PAX2: variants seen among roughly 807,000 people sequenced by gnomAD.
The protein encoded by PAX2 is paired box 2.
In PAX2, 9 loss-of-function variants were observed where a neutral mutation model predicts 41.7. The ratio of observed to expected loss-of-function variants is 0.22; its 90% CI spans 0.13 to 0.38. PAX2 has a LOEUF of 0.38. PAX2 is among the 10% of genes least tolerant of loss of function. The pLI, the probability that PAX2 is intolerant of heterozygous loss-of-function variation, is 1.00. For missense variants in PAX2, 418 were observed against 531.6 expected (o/e 0.79, Z 2.10); for synonymous variants, 221 against 212.7 (o/e 1.04, Z -0.34).
At chr10:100,802,393 G>A (rs914583357) in intron 5 of PAX2, among the ~76,000 whole-genome samples, 2 of 152,216 alleles carry the variant, frequency 1.3e-5, no homozygotes, top group African/African-American at 4.8e-5. Context: ...CAGGAACACA[G>A]TGTTCTCTGT....
chr10:100,818,413 T>C (rs1324768193), intron 7 of PAX2, among the ~76,000 whole-genome samples: 1 of 152,242 alleles, frequency 6.6e-6, no homozygotes, highest in Non-Finnish European at 1.5e-5. Flanking sequence ...TTGCTGTGCT[T>C]TGTATCATCC....
At chr10:100,738,906 C>A (rs1256028849) in intron 1 of PAX2, among the ~76,000 whole-genome samples, 5 of 151,974 alleles carry the variant, frequency 3.3e-5, no homozygotes, top group Non-Finnish European at 1.5e-5. Context: ...GGCTCTGGAC[C>A]TTGGAGGGCA....
intron 5 of PAX2, among the ~76,000 whole-genome samples, chr10:100,798,946 T>G (rs1412470942): frequency 3.3e-5 from 5 of 152,246 alleles, no homozygotes; most frequent in Non-Finnish European, 7.3e-5. Flanking sequence ...TTGATCGCGT[T>G]CTGAACTCAG....
At chr10:100,754,664 A>G (rs1845566390) in intron 3 of PAX2, among the ~76,000 whole-genome samples, 1 of 152,226 alleles carries the variant, frequency 6.6e-6, no homozygotes, top group Non-Finnish European at 1.5e-5. Flanking sequence ...ACAATGGTCT[A>G]CTAGTTGTTC....
intron 5 of PAX2, among the ~76,000 whole-genome samples, chr10:100,802,697 T>C (rs2133942126): frequency 1.3e-5 from 2 of 152,274 alleles, no homozygotes; most frequent in Middle Eastern, 3.4e-3. Flanking sequence ...AATGCATTAG[T>C]CACGGTCCCT....
intron 6 of PAX2, among the ~76,000 whole-genome samples, chr10:100,807,322 C>T (rs1847826375): frequency 6.6e-6 from 1 of 151,352 alleles, no homozygotes; most frequent in South Asian, 2.1e-4. Flanking sequence ...ACTGTGCTCA[C>T]ACACCACTGT....
chr10:100,768,136 A>G (rs1846087706), intron 3 of PAX2, among the ~76,000 whole-genome samples: 1 of 152,198 alleles, frequency 6.6e-6, no homozygotes, highest in South Asian at 2.1e-4. Flanking sequence ...GAAGGGAACA[A>G]TGATGGTGTA....
intron 3 of PAX2, among the ~76,000 whole-genome samples, chr10:100,767,142 A>G (rs1420388594): frequency 6.6e-6 from 1 of 152,222 alleles, no homozygotes; most frequent in Non-Finnish European, 1.5e-5. Flanking sequence ...AGGCACACCC[A>G]TACCCACAGG....
intron 4 of PAX2, 69 bp from the exon 5 acceptor site, chr10:100,781,177 G>A: frequency 6.5e-7 from 1 of 1,542,172 alleles, no homozygotes. Flanking sequence ...CCCAGCCTTG[G>A]GGCTTTGGCC....
intron 5 of PAX2, among the ~76,000 whole-genome samples, chr10:100,782,284 G>T (rs545582198): frequency 1.3e-5 from 2 of 152,186 alleles, no homozygotes; most frequent in South Asian, 4.1e-4. Context: ...AGCATAAAGG[G>T]GTGACCATCT....
Position 100,745,887 on chromosome 10 carries a change from C to G in PAX2, c.-374C>G. ...CTCCGACCACCGCCTCTCGGATGAC[C>G]AGGTTCCAGGGGAGCTGAGCGAGTC... On this transcript the variant is annotated 5_prime_UTR_variant, in exon 1 of 10. Coordinates refer to ENST00000355243, the MANE Select transcript of PAX2 (RefSeq NM_000278.5). 1 of 1,124,686 alleles carries G rather than the reference C, an allele frequency of 8.9e-7. No individual in the cohort carries two copies. The highest frequency in any genetic ancestry group is 1.1e-6 in the Non-Finnish European group (1 of 919,594). 69.7% of individuals were successfully genotyped at this position (1,124,686 alleles called of 1,614,324 possible).
At chr10:100,802,910 A>G (rs561178348) in intron 5 of PAX2, among the ~76,000 whole-genome samples, 1 of 152,064 alleles carries the variant, frequency 6.6e-6, no homozygotes, top group African/African-American at 2.4e-5. Context: ...GCTCTGCCAG[A>G]CAGCCCTTCA....
At chr10:100,744,450 T>G (rs1174494817), upstream of PAX2, among the ~76,000 whole-genome samples, 1 of 152,234 alleles carries the variant, frequency 6.6e-6, no homozygotes, top group Non-Finnish European at 1.5e-5. Context: ...AAGGGCTTCT[T>G]CTGCCTGGTG....
intron 3 of PAX2, among the ~76,000 whole-genome samples, chr10:100,757,796 G>A (rs115777679): frequency 0.016 from 2,476 of 151,202 alleles, 87 homozygotes; most frequent in African/African-American, 0.057. Context: ...TAGATGAGGC[G>A]TGATGGCAGA....
chr10:100,751,483 A>G (rs1332080311), intron 3 of PAX2, among the ~76,000 whole-genome samples: 1 of 152,224 alleles, frequency 6.6e-6, no homozygotes, highest in African/African-American at 2.4e-5. Context: ...ACAAGGAGGG[A>G]GTGCCAAGCA....
chr10:100,736,551 T>C (rs947851144), intron 1 of PAX2, among the ~76,000 whole-genome samples: 9 of 151,976 alleles, frequency 5.9e-5, no homozygotes, highest in African/African-American at 1.7e-4. Context: ...TGAGGCCTTT[T>C]TTGCCTCACT....
chr10:100,793,801 G>A (rs1436347532), intron 5 of PAX2, among the ~76,000 whole-genome samples: 1 of 152,138 alleles, frequency 6.6e-6, no homozygotes, highest in Non-Finnish European at 1.5e-5. Context: ...GCCTCTCTGG[G>A]GATCTTTGTA....
At position 100,789,289 on chromosome 10, in the gene PAX2, A is replaced by G. The variant is rs577247321; in HGVS notation, c.616+7924A>G. On this transcript the variant is annotated intron_variant, in intron 5 of 9. Coordinates refer to ENST00000355243, the MANE Select transcript of PAX2 (RefSeq NM_000278.5). Reference sequence around the variant, plus strand: ...CCTGGCTGATTTTTGTATTCTTAGTAGAGACAGGGTTTCACCATGTTGGCC... The same window carrying G: ...CCTGGCTGATTTTTGTATTCTTAGTGGAGACAGGGTTTCACCATGTTGGCC... Among the ~76,000 whole-genome samples, 53 of 152,284 alleles carry G rather than the reference A, an allele frequency of 3.5e-4. 1 individual carries two copies. In the South Asian group the frequency reaches 8.9e-3, roughly 26 times the overall value.
chr10:100,759,839 G>C (rs1845772362), intron 3 of PAX2, among the ~76,000 whole-genome samples: 1 of 152,194 alleles, frequency 6.6e-6, no homozygotes, highest in South Asian at 2.1e-4. Context: ...GTGAGCACTG[G>C]GGGCTGCTCT....
Sources: gnomAD v4.1 joint callset for allele counts (sites outside exome capture counted in the v4.1 genomes callset) on GRCh38, gnomAD v4.1.1 for gene constraint, MANE v1.5 for transcripts, NCBI Gene and HGNC (gene_info 2026-07-23, HGNC 2026-07-21) for gene names.